The following GNAS variants were observed in gnomAD, a reference collection of about 807,000 sequenced individuals.
GNAS encodes protein ALEX.
In GNAS, 8 loss-of-function variants were observed where a neutral mutation model predicts 54.5. The ratio of observed to expected loss-of-function variants is 0.15; its 90% CI spans 0.09 to 0.26. GNAS has a LOEUF of 0.26. Among genes scored for constraint, GNAS ranks in the 10% least tolerant of loss-of-function variants. The pLI, the probability that GNAS is intolerant of heterozygous loss-of-function variation, is 1.00. For synonymous variants in GNAS, 204 were observed against 191.4 expected, an observed-to-expected ratio of 1.07 and a Z score of -0.54; for missense variants, 170 against 529.8, an observed-to-expected ratio of 0.32 and a Z score of 6.67.
chr20:58,903,916 C>T (rs1437725325), intron 5 of GNAS, 125 bp downstream of exon 5: 2 of 929,710 alleles, frequency 2.2e-6, no homozygotes, highest in Non-Finnish European at 3.6e-6. Context: ...GGCAAAACTA[C>T]ATTTCAGTGA....
chr20:58,841,684 G>A lies in GNAS; in HGVS notation c.43+798G>A. On this transcript the variant is annotated intron_variant, in intron 1 of 12. Coordinates refer to the GNAS transcript ENST00000306090. The surrounding 1 kb of genome is among the most constrained non-coding windows in gnomAD (Gnocchi z 5.0). ...GAAAGTACCTGGGGGAAAGGTAGAG[G>A]AGGTAAGGGGACCCTTGGGGATGCC... is the stretch of plus-strand genomic sequence containing the variant. The A allele has an allele frequency of 8.4e-7, 1 of 1,188,060 alleles. No individual in the cohort carries two copies. The highest frequency in any genetic ancestry group is 1.0e-6 in the Non-Finnish European group (1 of 960,006). The allele number at this position is 1,188,060 out of a possible 1,614,324, so 73.6% of individuals were successfully genotyped here.
intron 1 of GNAS, among the ~76,000 whole-genome samples, chr20:58,875,300 G>A (rs944299091): frequency 3.9e-5 from 6 of 152,206 alleles, no homozygotes; most frequent in African/African-American, 1.4e-4. Flanking sequence ...TTACCTCCCT[G>A]CAGGTGGCTG....
chr20:58,899,321 TG>T (rs1404129468), intron 3 of GNAS, among the ~76,000 whole-genome samples: 5 of 152,332 alleles, frequency 3.3e-5, no homozygotes, highest in South Asian at 2.1e-4. Flanking sequence ...TTGAACCAGC[TG>T]CTTGTTTTAA....
chr20:58,853,005 G>A lies in GNAS; in HGVS notation c.43+12119G>A. 1.6e-6 allele frequency: 2 copies of A among 1,282,286 alleles called. No individual in the cohort carries two copies. Among genetic ancestry groups the A allele is most frequent in the Non-Finnish European group, 2.0e-6 (2 of 1,015,418 alleles). The allele number at this position is 1,282,286 out of a possible 1,614,324, so 79.4% of individuals were successfully genotyped here. A position where few individuals can be genotyped will look rare whatever the true frequency, so the allele number is the denominator to read the frequency against. Reference sequence around the variant, plus strand: ...AAGGATAGACCAAGGAAGAGGGGCTGGGGGGCAGCCTGGGGGCATGAAAAG... The same window carrying A: ...AAGGATAGACCAAGGAAGAGGGGCTAGGGGGCAGCCTGGGGGCATGAAAAG... On this transcript the variant is annotated intron_variant, in intron 1 of 12. Coordinates refer to the GNAS transcript ENST00000306090. The surrounding 1 kb of genome is among the most constrained non-coding windows in gnomAD (Gnocchi z 4.4).
chr20:58,899,571 G>T (rs2090398355), intron 3 of GNAS: 1 of 541,592 alleles, frequency 1.8e-6, no homozygotes, highest in Non-Finnish European at 3.5e-6. Context: ...GGTGGATAAG[G>T]AAATTCATGA....
chr20:58,842,233 A>T (rs777375142), intron 1 of GNAS: 4 of 398,378 alleles, frequency 1.0e-5, no homozygotes, highest in African/African-American at 8.2e-5. Flanking sequence ...GGAAAGACTG[A>T]TAAGTGAAAT....
chr20:58,889,272 G>T, upstream of GNAS: 1 of 1,029,538 alleles, frequency 9.7e-7, no homozygotes, highest in South Asian at 3.2e-5. Flanking sequence ...CGCGGCGGCT[G>T]GAGCGAGCCC....
upstream of GNAS, chr20:58,840,141 G>T: frequency 6.2e-7 from 1 of 1,611,468 alleles, no homozygotes. The surrounding 1 kb of genome is among the most constrained non-coding windows in gnomAD (Gnocchi z 6.0). Flanking sequence ...CAGTGGCGCC[G>T]AGCTCGCCAT....
intron 1 of GNAS, among the ~76,000 whole-genome samples, chr20:58,851,549 C>A (rs767181867): frequency 4.6e-5 from 7 of 152,164 alleles, no homozygotes; most frequent in African/African-American, 1.7e-4. Flanking sequence ...TTTATGTGAC[C>A]CCCTTACAGC....
chr20:58,875,695 C>T (rs572230309), intron 1 of GNAS, among the ~76,000 whole-genome samples: 29 of 152,304 alleles, frequency 1.9e-4, no homozygotes, highest in African/African-American at 6.7e-4. Flanking sequence ...GCCCCCCCCA[C>T]CCCATTCAGT....
At chr20:58,901,293 A>G (rs1372535571) in intron 3 of GNAS, among the ~76,000 whole-genome samples, 1 of 152,188 alleles carries the variant, frequency 6.6e-6, no homozygotes, top group Non-Finnish European at 1.5e-5. Context: ...TTAGACTGTA[A>G]TACCAAGGCC....
At chr20:58,883,751 A>C (rs554925441) in intron 1 of GNAS, among the ~76,000 whole-genome samples, 109 of 152,186 alleles carry the variant, frequency 7.2e-4, no homozygotes, top group African/African-American at 2.6e-3. Flanking sequence ...GGCTACATGG[A>C]AATCAAGCAG....
chr20:58,893,485 T>C (rs1331656828), intron 1 of GNAS, among the ~76,000 whole-genome samples: 1 of 152,198 alleles, frequency 6.6e-6, no homozygotes, highest in Non-Finnish European at 1.5e-5. Context: ...ACAGCTTGAG[T>C]ATAAAGAAAA....
intron 6 of GNAS, chr20:58,908,864 G>A (rs561348302): frequency 1.6e-4 from 79 of 507,744 alleles, no homozygotes; most frequent in African/African-American, 1.2e-3. Context: ...CCCCACCACC[G>A]TGCTGTGCTG....
At chr20:58,864,536 G>A (rs2086938051) in intron 1 of GNAS, among the ~76,000 whole-genome samples, 1 of 152,136 alleles carries the variant, frequency 6.6e-6, no homozygotes, top group Non-Finnish European at 1.5e-5. Flanking sequence ...GCTCTAGAAG[G>A]GCCCAAAGAT....
chr20:58,855,341 G>A (rs1421325676), intron 1 of GNAS: 5 of 1,560,216 alleles, frequency 3.2e-6, no homozygotes, highest in Middle Eastern at 1.7e-4. Flanking sequence ...TAGGTAATGC[G>A]GCGGACTCTG....
chr20:58,853,808 C>G lies in GNAS; in HGVS notation c.43+12922C>G, dbSNP rs752434296. The G allele has an allele frequency of 6.2e-7, 1 of 1,607,136 alleles. No homozygotes were observed. The highest frequency in any genetic ancestry group is 1.1e-5 in the South Asian group (1 of 90,000). On this transcript the variant is annotated intron_variant, in intron 1 of 12. Coordinates refer to the GNAS transcript ENST00000306090. The surrounding 1 kb of genome is among the most constrained non-coding windows in gnomAD (Gnocchi z 4.4). ...GCTGCAGTCAACTTCTCTTACAGGT[C>G]CCAGACCTTGCTCCAGGAGGCCCAG... is the stretch of plus-strand genomic sequence containing the variant.
chr20:58,879,318 C>A (rs566749373), intron 1 of GNAS, among the ~76,000 whole-genome samples: 1 of 152,346 alleles, frequency 6.6e-6, no homozygotes, highest in South Asian at 2.1e-4. Flanking sequence ...TCACTTGTAG[C>A]TTTGCTCTGG....
chr20:58,841,444 C>A lies in GNAS; in HGVS notation c.43+558C>A, dbSNP rs1268166616. ...GACCACCCGGGAGGGAAGTCACGCGCGCGCGGCGCCTAAGCAGCTCAGAGC... is the reference window on the plus strand; with the variant it reads ...GACCACCCGGGAGGGAAGTCACGCGAGCGCGGCGCCTAAGCAGCTCAGAGC... On this transcript the variant is annotated intron_variant, in intron 1 of 12. Transcript: ENST00000306090. The surrounding 1 kb of genome is among the most constrained non-coding windows in gnomAD (Gnocchi z 5.0). The A allele has an allele frequency of 2.1e-5, 21 of 993,330 alleles. No homozygotes were observed. 61.5% of individuals were successfully genotyped at this position (993,330 alleles called of 1,614,324 possible).
Sources: allele counts gnomAD v4.1 joint callset (sites outside exome capture counted in the v4.1 genomes callset), GRCh38; gene constraint gnomAD v4.1.1; non-coding constraint Gnocchi (gnomAD v3.1); transcripts MANE v1.5; gene names NCBI Gene and HGNC (gene_info 2026-07-23, HGNC 2026-07-21).